The following COPG2 variants were observed in gnomAD, a reference collection of about 807,000 sequenced individuals.
The protein encoded by COPG2 is coat protein complex I subunit gamma 2.
A neutral mutation model predicts 46.3 loss-of-function variants in COPG2; 37 were observed. That is an observed-to-expected ratio of 0.80 (90% CI 0.61 to 1.05). The LOEUF (loss-of-function observed/expected upper bound fraction) is 1.05. COPG2 is among the 50% of genes least tolerant of loss of function. The pLI, the probability that COPG2 is intolerant of heterozygous loss-of-function variation, is 0.00. For missense variants in COPG2, 427 were observed against 387.8 expected, an observed-to-expected ratio of 1.10 and a Z score of -0.85; for synonymous variants, 159 against 129.7, an observed-to-expected ratio of 1.23 and a Z score of -1.53.
chr7:130,565,524 G>C (rs1793788878), intron 9 of COPG2, among the ~76,000 whole-genome samples: 2 of 152,098 alleles, frequency 1.3e-5, no homozygotes. Context: ...ATAATTATGA[G>C]ACACACAAAG....
intron 20 of COPG2, among the ~76,000 whole-genome samples, chr7:130,516,623 T>G (rs1463507782): frequency 6.6e-6 from 1 of 152,060 alleles, no homozygotes; most frequent in Non-Finnish European, 1.5e-5. Flanking sequence ...GGGCAGAACA[T>G]GCAGTGCAGA....
At chr7:130,606,099 G>A (rs782493671) in intron 9 of COPG2, among the ~76,000 whole-genome samples, 10 of 152,052 alleles carry the variant, frequency 6.6e-5, no homozygotes, top group Non-Finnish European at 1.5e-4. Flanking sequence ...GTGCTGGGAT[G>A]CCTATAGTTC....
chr7:130,553,214 A>G (rs1366292288), intron 14 of COPG2, among the ~76,000 whole-genome samples: 1 of 152,210 alleles, frequency 6.6e-6, no homozygotes, highest in Admixed American at 6.5e-5. Flanking sequence ...CATGTTGGAG[A>G]GCAAGAAGAG....
chr7:130,625,620 C>A (rs1350322231), intron 5 of COPG2, among the ~76,000 whole-genome samples: 1 of 150,984 alleles, frequency 6.6e-6, no homozygotes, highest in Admixed American at 6.6e-5. Flanking sequence ...TTGATTTTTA[C>A]ATTTCTTCTG....
At chr7:130,511,405 G>A (rs550287308) in intron 20 of COPG2, 26 of 520,038 alleles carry the variant, frequency 5.0e-5, no homozygotes, top group Middle Eastern at 3.2e-4. Context: ...GTAGGACATC[G>A]AGGAAAGCTG....
intron 5 of COPG2, among the ~76,000 whole-genome samples, chr7:130,625,490 G>C (rs1554454129): frequency 6.6e-6 from 1 of 151,450 alleles, no homozygotes; most frequent in African/African-American, 2.4e-5. Context: ...TAGTGGAAAT[G>C]CCTCTAGTGT....
At chr7:130,636,964 T>A in intron 5 of COPG2, among the ~76,000 whole-genome samples, 1 of 152,220 alleles carries the variant, frequency 6.6e-6, no homozygotes, top group East Asian at 1.9e-4. Flanking sequence ...AAGGATTTTA[T>A]TTCTCCTTCA....
intron 20 of COPG2, among the ~76,000 whole-genome samples, chr7:130,543,858 T>C (rs1793383266): frequency 1.3e-5 from 2 of 152,180 alleles, no homozygotes; most frequent in Admixed American, 6.5e-5. Flanking sequence ...AAAAGGGGTA[T>C]CAAATAGGTT....
chr7:130,617,721 A>AGTGAGACTCTG (rs1794973045), intron 5 of COPG2, among the ~76,000 whole-genome samples: 1 of 152,184 alleles, frequency 6.6e-6, no homozygotes, highest in South Asian at 2.1e-4. Context: ...CACATAATCC[A>AGTGAGACTCTG]AAATGGTCTA....
At chr7:130,668,333 G>A (rs1796132713) in intron 1 of COPG2, among the ~76,000 whole-genome samples, 2 of 150,698 alleles carry the variant, frequency 1.3e-5, no homozygotes, top group Admixed American at 6.6e-5. Flanking sequence ...CCCGCCGGAG[G>A]CCCGCGCGCA....
At chr7:130,668,600 C>A (rs773870716) in intron 1 of COPG2, 32 bp downstream of exon 1, 35 of 1,509,080 alleles carry the variant, frequency 2.3e-5, no homozygotes. Context: ...CGTCCCGCGG[C>A]TGAGGGTGGG....
chr7:130,528,733 A>C (rs1474040166), intron 20 of COPG2, among the ~76,000 whole-genome samples: 1 of 151,552 alleles, frequency 6.6e-6, no homozygotes, highest in Non-Finnish European at 1.5e-5. Context: ...CCTAATGGGC[A>C]AGAAGAATGA....
chr7:130,608,121 A>G lies in COPG2; in HGVS notation c.737+2832T>C, dbSNP rs76752318. ...GACATTTAAGATCTATATGTTTTAC[A>G]AAGATTTTTTTGTTAGTTATAATAT... is the stretch of plus-strand genomic sequence containing the variant. On this transcript the variant is annotated intron_variant, in intron 9 of 23. Coordinates refer to ENST00000425248, the MANE Select transcript of COPG2 (RefSeq NM_012133.6). The G allele has an allele frequency of 1.4e-3, 536 of 379,514 alleles. 13 individuals carry two copies. The East Asian group carries it at 0.031, about 22-fold the overall frequency. 23.5% of individuals were successfully genotyped at this position (379,514 alleles called of 1,614,324 possible).
intron 20 of COPG2, among the ~76,000 whole-genome samples, chr7:130,525,273 A>G (rs1181360540): frequency 6.6e-6 from 1 of 152,200 alleles, no homozygotes; most frequent in African/African-American, 2.4e-5. Context: ...CAGAGTTCTC[A>G]AACTGGGGCA....
At chr7:130,522,113 G>A (rs1390462572) in intron 20 of COPG2, among the ~76,000 whole-genome samples, 1 of 152,190 alleles carries the variant, frequency 6.6e-6, no homozygotes, top group Non-Finnish European at 1.5e-5. Context: ...CAGAAAGACA[G>A]TGGTAAACAG....
chr7:130,525,149 G>C (rs1435089099), intron 20 of COPG2, among the ~76,000 whole-genome samples: 1 of 152,160 alleles, frequency 6.6e-6, no homozygotes, highest in East Asian at 1.9e-4. Flanking sequence ...GTTGGGTCAC[G>C]TAAGTGAATA....
At chr7:130,512,400 A>G (rs1380867398) in intron 20 of COPG2, among the ~76,000 whole-genome samples, 3 of 151,916 alleles carry the variant, frequency 2.0e-5, no homozygotes, top group Non-Finnish European at 4.4e-5. Context: ...GTGAACATGT[A>G]GTTTGTCCAG....
intron 5 of COPG2, among the ~76,000 whole-genome samples, chr7:130,631,904 T>A (rs1554455268): frequency 6.6e-6 from 1 of 152,222 alleles, no homozygotes; most frequent in Non-Finnish European, 1.5e-5. Flanking sequence ...CTTTTATAAT[T>A]AATGTGACTC....
intron 9 of COPG2, among the ~76,000 whole-genome samples, chr7:130,587,499 C>T (rs1291543488): frequency 1.3e-5 from 2 of 151,886 alleles, no homozygotes; most frequent in African/African-American, 2.4e-5. Context: ...ACAATATTCA[C>T]CTTTAAATTT....
Sources: allele counts gnomAD v4.1 joint callset (sites outside exome capture counted in the v4.1 genomes callset), GRCh38; gene constraint gnomAD v4.1.1; transcripts MANE v1.5; gene names NCBI Gene and HGNC (gene_info 2026-07-23, HGNC 2026-07-21).